The following RIN3 variants were observed in gnomAD, a reference collection of about 807,000 sequenced individuals.
RIN3 encodes the protein RAB5 interacting protein 3.
Under a neutral mutation model 76.3 loss-of-function variants are expected in RIN3, and 54 were observed. The ratio of observed to expected loss-of-function variants is 0.71; its 90% CI spans 0.57 to 0.89. The LOEUF (loss-of-function observed/expected upper bound fraction) is 0.89. RIN3 is among the 40% of genes least tolerant of loss of function. The pLI is 0.00. For synonymous variants in RIN3, 576 were observed against 564.0 expected (o/e 1.02, Z -0.30); for missense variants, 1,256 against 1,322.1 (o/e 0.95, Z 0.78).
intron 3 of RIN3, among the ~76,000 whole-genome samples, chr14:92,587,077 G>A (rs894593393): frequency 6.6e-6 from 1 of 152,230 alleles, no homozygotes; most frequent in East Asian, 1.9e-4. Context: ...GCCAGGTCAC[G>A]AAAGACCTTG....
intron 1 of RIN3, among the ~76,000 whole-genome samples, chr14:92,530,349 A>G (rs1431477755): frequency 6.6e-6 from 1 of 152,220 alleles, no homozygotes; most frequent in African/African-American, 2.4e-5. Flanking sequence ...GTCAATGCTA[A>G]TATTTTATTT....
rs139159432 is a variant in RIN3 at position 92,568,194 on chromosome 14, G to A, written c.250-9166G>A. Among the ~76,000 whole-genome samples, 14 of 152,316 alleles carry A rather than the reference G, an allele frequency of 9.2e-5. No individual in the cohort carries two copies. Among genetic ancestry groups the A allele is most frequent in the African/African-American group, 2.6e-4 (11 of 41,558 alleles). On this transcript the variant is annotated intron_variant, in intron 2 of 9. Transcript: ENST00000216487. This position sits in a 1 kb window ranked among gnomAD's most constrained non-coding sequence, Gnocchi z 4.2. Reference sequence around the variant, plus strand: ...GACTTTTCACATGGAAACCCCAAAGGTGTTGGAGAAAGGGCTCTGGGTGGT... The same window carrying A: ...GACTTTTCACATGGAAACCCCAAAGATGTTGGAGAAAGGGCTCTGGGTGGT...
intron 4 of RIN3, among the ~76,000 whole-genome samples, chr14:92,640,996 T>C (rs1057331979): frequency 6.6e-6 from 1 of 151,956 alleles, no homozygotes; most frequent in African/African-American, 2.4e-5. Context: ...GGAGAAGCAG[T>C]GACCCCGCCC....
intron 2 of RIN3, among the ~76,000 whole-genome samples, chr14:92,569,931 C>A (rs1274339490): frequency 6.6e-6 from 1 of 152,182 alleles, no homozygotes; most frequent in East Asian, 1.9e-4. Context: ...ATTTTATTTT[C>A]TTCTGTTTCA....
At chr14:92,539,037 G>T (rs1419708897) in intron 1 of RIN3, among the ~76,000 whole-genome samples, 1 of 152,104 alleles carries the variant, frequency 6.6e-6, no homozygotes, top group East Asian at 1.9e-4. Context: ...TATGTGACAG[G>T]TGTGCTCAGG....
At chr14:92,574,781 A>T (rs1898170930) in intron 2 of RIN3, among the ~76,000 whole-genome samples, 1 of 152,092 alleles carries the variant, frequency 6.6e-6, no homozygotes, top group Non-Finnish European at 1.5e-5. Flanking sequence ...TGGTTTGGTG[A>T]CTAATGATTC....
In RIN3 at chr14:92,513,810, G is replaced by A; in HGVS notation, c.-123G>A. 1.9e-6 allele frequency: 1 copy of A among 535,508 alleles called. No homozygotes were observed. Among genetic ancestry groups the A allele is most frequent in the Non-Finnish European group, 2.8e-6 (1 of 355,560 alleles). The allele number at this position is 535,508 out of a possible 1,614,324, so 33.2% of individuals were successfully genotyped here. On this transcript the variant is annotated 5_prime_UTR_variant, in exon 1 of 10. Coordinates refer to ENST00000216487, the MANE Select transcript of RIN3 (RefSeq NM_024832.5). Reference sequence around the variant, plus strand: ...GGGAGCGAGAGCCCCAGAGCGCGGCGGCAGCGGCGGCCTGGCCCTTCCAGA... The same window carrying A: ...GGGAGCGAGAGCCCCAGAGCGCGGCAGCAGCGGCGGCCTGGCCCTTCCAGA...
intron 4 of RIN3, among the ~76,000 whole-genome samples, chr14:92,628,908 A>C (rs1259209681): frequency 6.6e-6 from 1 of 152,032 alleles, no homozygotes; most frequent in African/African-American, 2.4e-5. Context: ...TCAACTTCCA[A>C]GGAGCTACTG....
intron 5 of RIN3, among the ~76,000 whole-genome samples, chr14:92,649,348 G>A (rs1167763227): frequency 6.6e-6 from 1 of 152,158 alleles, no homozygotes; most frequent in African/African-American, 2.4e-5. Context: ...CAGTCTGGCT[G>A]CCTGCTTCTC....
intron 7 of RIN3, among the ~76,000 whole-genome samples, chr14:92,672,688 G>GTA (rs1555393454): frequency 2.7e-5 from 4 of 150,914 alleles, no homozygotes; most frequent in Middle Eastern, 6.8e-3. Context: ...GTGTGTGTGT[G>GTA]TATACACATA....
intron 3 of RIN3, among the ~76,000 whole-genome samples, chr14:92,601,542 G>A (rs763524437): frequency 2.6e-5 from 4 of 152,144 alleles, no homozygotes; most frequent in South Asian, 2.1e-4. Context: ...ATCCTTCTGT[G>A]GCACTCAGGG....
At chr14:92,518,437 G>A (rs749025660) in intron 1 of RIN3, among the ~76,000 whole-genome samples, 3 of 152,156 alleles carry the variant, frequency 2.0e-5, no homozygotes, top group Non-Finnish European at 2.9e-5. Flanking sequence ...GGCTAAGTAG[G>A]GGGAGACCCA....
At chr14:92,687,213 C>T (rs538541700) in intron 9 of RIN3, 1 of 152,360 alleles carries the variant, frequency 6.6e-6, no homozygotes, top group Admixed American at 6.5e-5. Flanking sequence ...CTCGACGAAT[C>T]AAGGCCACAC....
chr14:92,652,058 C>T lies in RIN3; in HGVS notation c.1009C>T (p.Pro337Ser), dbSNP rs1255192194. 4.4e-6 allele frequency: 7 copies of T among 1,603,000 alleles called. No homozygotes were observed. Among genetic ancestry groups the T allele is most frequent in the South Asian group, 3.3e-5 (3 of 91,014 alleles). ...TCCCCCAGACCATCCGAACCAGCCG[C>T]CCATGATGACCTGCGAGAGACTCCC... is the stretch of plus-strand genomic sequence containing the variant. The part of the protein sequence containing the change: ...PGPPDHPNQP[P>S]MMTCERLPCP... Residue 337 changes from proline (P) to serine (S), a missense_variant, in exon 6 of 10, where the codon CCC (proline) becomes TCC (serine). This residue lies in a region of RIN3 where 610 missense variants were observed against 626.4 expected (regional missense o/e 0.97). Coordinates refer to ENST00000216487, the MANE Select transcript of RIN3 (RefSeq NM_024832.5). The surrounding 1 kb of genome is among the most constrained non-coding windows in gnomAD (Gnocchi z 6.4).
At chr14:92,575,443 C>T (rs1898197127) in intron 2 of RIN3, among the ~76,000 whole-genome samples, 1 of 152,156 alleles carries the variant, frequency 6.6e-6, no homozygotes, top group Non-Finnish European at 1.5e-5. Context: ...AGAATGGGTG[C>T]TCTATCCTGG....
At chr14:92,639,923 G>C (rs200443266) in intron 4 of RIN3, among the ~76,000 whole-genome samples, 1 of 139,366 alleles carries the variant, frequency 7.2e-6, no homozygotes, top group Non-Finnish European at 1.6e-5. Flanking sequence ...TGCGTTCGTC[G>C]GGGGCTGCCT....
At chr14:92,687,596 G>A (rs1334080150) in intron 9 of RIN3, 2 of 350,204 alleles carry the variant, frequency 5.7e-6, no homozygotes, top group Non-Finnish European at 1.0e-5. Flanking sequence ...GAACTCACCT[G>A]GAGGGAGGGA....
rs764079155 is a variant in RIN3, at chr14:92,651,952, T to G, written c.903T>G (p.Pro301=). The G allele has an allele frequency of 1.6e-6, 2 of 1,248,906 alleles. No homozygotes were observed. The highest frequency in any genetic ancestry group is 2.1e-6 in the Non-Finnish European group (2 of 960,818). 77.4% of individuals were successfully genotyped at this position (1,248,906 alleles called of 1,614,324 possible). A position where few individuals can be genotyped will look rare whatever the true frequency, so the allele number is the denominator to read the frequency against. ...GCCCAGCCCAGCCCCCTGTGCTCCC[T>G]GCTCTTGCCCCCGCCCCTGCCTGTC... ...PCSPAQPPVL[P]ALAPAPACPL... The change falls in exon 6 of 10, where the codon CCT becomes CCG. Residue 301 remains proline, a synonymous_variant. Transcript: ENST00000216487.
At chr14:92,608,017 AG>A (rs1477215197) in intron 3 of RIN3, among the ~76,000 whole-genome samples, 1 of 152,172 alleles carries the variant, frequency 6.6e-6, no homozygotes, top group Non-Finnish European at 1.5e-5. Context: ...AGTGATGGGG[AG>A]GGGGTAGATG....
Sources: allele counts gnomAD v4.1 joint callset (sites outside exome capture counted in the v4.1 genomes callset), GRCh38; gene constraint gnomAD v4.1.1; regional missense constraint gnomAD v4.1.1; non-coding constraint Gnocchi (gnomAD v3.1); transcripts MANE v1.5; gene names NCBI Gene and HGNC (gene_info 2026-07-23, HGNC 2026-07-21).